KCNH7: variants seen among roughly 807,000 people sequenced by gnomAD.
KCNH7 encodes potassium voltage-gated channel subfamily H member 7.
In KCNH7, 49 loss-of-function variants were observed where a neutral mutation model predicts 120.8. The observed-to-expected ratio is 0.41, with a 90% CI of 0.32 to 0.51. The LOEUF is 0.51. Among genes scored for constraint, KCNH7 ranks in the 20% least tolerant of loss-of-function variants. The pLI is 0.38. For synonymous variants in KCNH7, 547 were observed against 516.1 expected, an observed-to-expected ratio of 1.06 and a Z score of -0.81; for missense variants, 1,097 against 1,446.6, an observed-to-expected ratio of 0.76 and a Z score of 3.92.
chr2:162,811,294 G>A (rs868430897), intron 2 of KCNH7, among the ~76,000 whole-genome samples: 1 of 152,118 alleles, frequency 6.6e-6, no homozygotes, highest in Non-Finnish European at 1.5e-5. Context: ...AAAGATGACT[G>A]GAGAAAGGAT....
chr2:162,438,690 T>C (rs1688331656), intron 7 of KCNH7, among the ~76,000 whole-genome samples: 1 of 152,174 alleles, frequency 6.6e-6, no homozygotes, highest in Non-Finnish European at 1.5e-5. Context: ...GGCTTGACAA[T>C]GTAACAGATG....
At chr2:162,435,677 A>G (rs1260385742) in intron 7 of KCNH7, 80 bp from the exon 8 acceptor site, 8 of 1,365,342 alleles carry the variant, frequency 5.9e-6, no homozygotes, top group Admixed American at 4.8e-5. Context: ...GTGGACAAAA[A>G]CAGGTTAAGA....
At chr2:162,500,198 T>G (rs1022359195) in intron 6 of KCNH7, among the ~76,000 whole-genome samples, 1 of 148,052 alleles carries the variant, frequency 6.8e-6, no homozygotes, top group Non-Finnish European at 1.5e-5. Flanking sequence ...ATTATATACA[T>G]TACATGTTAT....
chr2:162,524,707 C>T (rs188696097), intron 3 of KCNH7, among the ~76,000 whole-genome samples: 15 of 152,068 alleles, frequency 9.9e-5, no homozygotes, highest in Admixed American at 5.2e-4. Flanking sequence ...ACGACTTTTA[C>T]TCCTGAATCA....
intron 4 of KCNH7, among the ~76,000 whole-genome samples, 174 bp from the exon 5 acceptor site, chr2:162,512,848 C>T (rs1454180242): frequency 6.6e-6 from 1 of 151,636 alleles, no homozygotes; most frequent in Non-Finnish European, 1.5e-5. Context: ...CATGCATATA[C>T]TAAAAATAGT....
intron 2 of KCNH7, among the ~76,000 whole-genome samples, chr2:162,592,988 T>C (rs2105936616): frequency 6.6e-6 from 1 of 152,180 alleles, no homozygotes; most frequent in East Asian, 1.9e-4. Flanking sequence ...AATCATTTAG[T>C]TTACTCATAA....
intron 2 of KCNH7, among the ~76,000 whole-genome samples, chr2:162,575,787 A>G (rs1305220937): frequency 6.6e-6 from 1 of 152,092 alleles, no homozygotes; most frequent in Non-Finnish European, 1.5e-5. Context: ...ATTGCCTTGG[A>G]ACTAAGGGGA....
chr2:162,836,899 T>C, intron 1 of KCNH7, 132 bp from the exon 2 acceptor site: 2 of 571,874 alleles, frequency 3.5e-6, no homozygotes, highest in African/African-American at 1.9e-5. Context: ...TCTCCAGCCC[T>C]TATGAAAAAA....
At chr2:162,399,765 T>C (rs1195165458) in intron 10 of KCNH7, among the ~76,000 whole-genome samples, 1 of 151,832 alleles carries the variant, frequency 6.6e-6, no homozygotes, top group Non-Finnish European at 1.5e-5. Context: ...TAAATGAAAT[T>C]CATCAAAACA....
At chr2:162,725,251 T>G (rs1488308960) in intron 2 of KCNH7, among the ~76,000 whole-genome samples, 1 of 152,216 alleles carries the variant, frequency 6.6e-6, no homozygotes, top group Non-Finnish European at 1.5e-5. Flanking sequence ...CTATTGTAAC[T>G]GTTTAATAAA....
intron 6 of KCNH7, among the ~76,000 whole-genome samples, chr2:162,484,649 T>G (rs1023974192): frequency 6.6e-6 from 1 of 152,194 alleles, no homozygotes; most frequent in Non-Finnish European, 1.5e-5. Flanking sequence ...TTTTGAAATT[T>G]GATCCCCAGT....
At chr2:162,539,403 A>T (rs1302429252) in intron 2 of KCNH7, among the ~76,000 whole-genome samples, 1 of 152,040 alleles carries the variant, frequency 6.6e-6, no homozygotes, top group African/African-American at 2.4e-5. Flanking sequence ...TGTACTGTTG[A>T]CTATAAAAAA....
chr2:162,407,379 G>A (rs191696233), intron 9 of KCNH7, among the ~76,000 whole-genome samples: 29 of 152,070 alleles, frequency 1.9e-4, no homozygotes, highest in African/African-American at 6.3e-4. Flanking sequence ...CCAGTTAACA[G>A]CATAACTATG....
At chr2:162,823,544 G>C (rs1573933032) in intron 2 of KCNH7, among the ~76,000 whole-genome samples, 1 of 151,804 alleles carries the variant, frequency 6.6e-6, no homozygotes, top group Admixed American at 6.6e-5. Flanking sequence ...TCCATTTCTA[G>C]AACAACAAGA....
intron 6 of KCNH7, among the ~76,000 whole-genome samples, chr2:162,454,895 T>G (rs1301353829): frequency 6.6e-6 from 1 of 152,122 alleles, no homozygotes; most frequent in African/African-American, 2.4e-5. Context: ...AGAGACAATC[T>G]GACTTCCTCT....
At chr2:162,830,522 A>G (rs998725591) in intron 2 of KCNH7, among the ~76,000 whole-genome samples, 6 of 152,176 alleles carry the variant, frequency 3.9e-5, no homozygotes, top group African/African-American at 1.4e-4. Flanking sequence ...GGCATGAAGA[A>G]GGTAAACTCC....
intron 9 of KCNH7, among the ~76,000 whole-genome samples, chr2:162,406,048 T>C (rs1440158408): frequency 6.6e-6 from 1 of 151,986 alleles, no homozygotes; most frequent in Non-Finnish European, 1.5e-5. Context: ...GATTTAAATA[T>C]TCATAATGTA....
At chr2:162,502,691 C>A (rs548363783) in intron 6 of KCNH7, among the ~76,000 whole-genome samples, 1 of 151,976 alleles carries the variant, frequency 6.6e-6, no homozygotes, top group Non-Finnish European at 1.5e-5. Context: ...TATTACCATG[C>A]ATTTCATTAT....
At position 162,384,743 on chromosome 2, in the gene KCNH7, T is replaced by G. The variant is rs1261724871; in HGVS notation, c.2907A>C (p.Glu969Asp). 1 of 1,612,762 alleles carries G rather than the reference T, an allele frequency of 6.2e-7. No homozygotes were observed. Among genetic ancestry groups the G allele is most frequent in the South Asian group, 1.1e-5 (1 of 91,048 alleles). The change falls in exon 13 of 16, where the codon GAA (glutamate) becomes GAC (aspartate). Residue 969 changes from glutamate to aspartate, a missense_variant. Glu to Asp is a conservative substitution (Grantham distance 45). This residue lies in a region of KCNH7 where 406 missense variants were observed against 410.5 expected (regional missense o/e 0.99). Transcript: ENST00000332142. The part of the protein sequence containing the change: ...IGKASGLDFE[E>D]TVPTSGRMHI... ...GCATTCTTCCTGAGGTGGGCACTGTTTCTTCAAAATCGAGCCCAGATGCTT... is the reference window on the plus strand; with the variant it reads ...GCATTCTTCCTGAGGTGGGCACTGTGTCTTCAAAATCGAGCCCAGATGCTT...
Sources: allele counts gnomAD v4.1 joint callset (sites outside exome capture counted in the v4.1 genomes callset), GRCh38; gene constraint gnomAD v4.1.1; regional missense constraint gnomAD v4.1.1; transcripts MANE v1.5; gene names NCBI Gene and HGNC (gene_info 2026-07-23, HGNC 2026-07-21).